The following SMYD3 variants were observed in gnomAD, a reference collection of about 807,000 sequenced individuals.
The protein encoded by SMYD3 is SET and MYND domain containing 3.
In SMYD3, 36 loss-of-function variants were observed where a neutral mutation model predicts 57.7. The observed-to-expected ratio is 0.62, with a 90% CI of 0.48 to 0.82. SMYD3 has a LOEUF of 0.82. Among genes scored for constraint, SMYD3 ranks in the 40% least tolerant of loss-of-function variants. The pLI, the probability that SMYD3 is intolerant of heterozygous loss-of-function variation, is 0.00. For missense variants in SMYD3, 515 were observed against 538.8 expected (o/e 0.96, Z 0.44); for synonymous variants, 211 against 195.0 (o/e 1.08, Z -0.68).
chr1:246,106,524 A>C (rs2061124843), intron 5 of SMYD3, among the ~76,000 whole-genome samples: 1 of 152,244 alleles, frequency 6.6e-6, no homozygotes, highest in Non-Finnish European at 1.5e-5. Context: ...GAGTCAGCTA[A>C]TCAGTGGTTA....
intron 8 of SMYD3, among the ~76,000 whole-genome samples, chr1:245,884,618 C>T (rs141599932): frequency 2.6e-5 from 4 of 152,160 alleles, no homozygotes; most frequent in African/African-American, 7.2e-5. Context: ...TTACTGTACA[C>T]GTGATTGACA....
chr1:246,005,459 T>C (rs2059152044), intron 5 of SMYD3, among the ~76,000 whole-genome samples: 4 of 152,246 alleles, frequency 2.6e-5, no homozygotes, highest in African/African-American at 4.8e-5. Flanking sequence ...TCCCTGAACA[T>C]TGGTTTGCTC....
chr1:246,451,241 G>A (rs977203403), intron 1 of SMYD3, among the ~76,000 whole-genome samples: 2 of 152,096 alleles, frequency 1.3e-5, no homozygotes, highest in East Asian at 1.9e-4. Context: ...AGTTATCTTC[G>A]GGAAAGACAT....
intron 1 of SMYD3, chr1:246,483,556 T>C (rs549743024): frequency 2.0e-4 from 31 of 152,320 alleles, no homozygotes; most frequent in Admixed American, 1.4e-3. Flanking sequence ...TTTGGAAGAA[T>C]ATTCACTAAG....
intron 5 of SMYD3, among the ~76,000 whole-genome samples, chr1:246,054,487 C>G (rs1340493779): frequency 6.6e-6 from 1 of 152,190 alleles, no homozygotes; most frequent in East Asian, 1.9e-4. Flanking sequence ...GAATGTCCAT[C>G]AGGAGGTTAA....
chr1:245,874,834 G>A (rs1242233766), intron 8 of SMYD3, among the ~76,000 whole-genome samples: 1 of 152,240 alleles, frequency 6.6e-6, no homozygotes, highest in African/African-American at 2.4e-5. Context: ...TCTGTCCCTT[G>A]AAGCTGGAGG....
At chr1:245,791,745 C>T (rs2047279892) in intron 10 of SMYD3, among the ~76,000 whole-genome samples, 1 of 152,136 alleles carries the variant, frequency 6.6e-6, no homozygotes, top group African/African-American at 2.4e-5. Context: ...GTCTGATACG[C>T]AGAGGTCACA....
chr1:246,293,267 T>C (rs959916488), intron 5 of SMYD3, among the ~76,000 whole-genome samples: 1 of 152,196 alleles, frequency 6.6e-6, no homozygotes, highest in Non-Finnish European at 1.5e-5. Flanking sequence ...TTTGGTCATG[T>C]AGTCTGAACA....
At chr1:246,169,309 G>T (rs1274386443) in intron 5 of SMYD3, among the ~76,000 whole-genome samples, 2 of 123,618 alleles carry the variant, frequency 1.6e-5, no homozygotes, top group South Asian at 5.3e-4. Flanking sequence ...GATGAAAAAC[G>T]CCAAAGTTAA....
intron 5 of SMYD3, among the ~76,000 whole-genome samples, chr1:246,094,637 C>G (rs767448946): frequency 2.0e-5 from 3 of 152,140 alleles, no homozygotes; most frequent in Non-Finnish European, 4.4e-5. Flanking sequence ...GTTCAATGCC[C>G]AGGCAGATAC....
chr1:245,838,263 A>C (rs1558406040), intron 10 of SMYD3, among the ~76,000 whole-genome samples: 1 of 152,206 alleles, frequency 6.6e-6, no homozygotes, highest in African/African-American at 2.4e-5. Flanking sequence ...CTGTGGGCTT[A>C]GGGGGCACAG....
chr1:246,015,774 C>T (rs59575073), intron 5 of SMYD3, among the ~76,000 whole-genome samples: 5,079 of 152,252 alleles, frequency 0.033, 288 homozygotes, highest in African/African-American at 0.12. Context: ...AGTTTCCTTT[C>T]TAAGGCTGAA....
chr1:246,255,987 TACAC>T (rs1354606286), intron 5 of SMYD3, among the ~76,000 whole-genome samples: 24 of 138,664 alleles, frequency 1.7e-4, no homozygotes, highest in African/African-American at 6.0e-4. Context: ...GATAGATAGA[TACAC>T]ACACACATAC....
intron 5 of SMYD3, among the ~76,000 whole-genome samples, chr1:246,153,938 T>C (rs965999185): frequency 6.6e-6 from 1 of 152,220 alleles, no homozygotes; most frequent in African/African-American, 2.4e-5. Context: ...GTGACATCAT[T>C]AGGCACTAAA....
At position 245,960,682 on chromosome 1, in the gene SMYD3, A is replaced by G. The variant is rs910091931; in HGVS notation, c.532-30745T>C. 3.3e-5 allele frequency among the ~76,000 whole-genome samples: 5 copies of G among 152,210 alleles called. No individual in the cohort carries two copies. The East Asian group carries it at 9.7e-4, about 29-fold the overall frequency. ...GTGGAGGTTGCAGTGAGCTGAGACC[A>G]TGCCACTGCACTCCAGCCTGGGTGA... On this transcript the variant is annotated intron_variant, in intron 5 of 11. Coordinates refer to ENST00000490107, the MANE Select transcript of SMYD3 (RefSeq NM_001167740.2).
chr1:245,835,856 A>G (rs1205553402), intron 10 of SMYD3, among the ~76,000 whole-genome samples: 4 of 152,228 alleles, frequency 2.6e-5, no homozygotes, highest in South Asian at 4.1e-4. Context: ...TCTGGACATT[A>G]TCATGGCTGG....
chr1:246,331,947 G>C (rs1208323296), intron 3 of SMYD3, among the ~76,000 whole-genome samples: 1 of 143,482 alleles, frequency 7.0e-6, no homozygotes, highest in East Asian at 2.0e-4. Context: ...TAAATGTTGT[G>C]CGTGTTCTCA....
chr1:246,504,686 G>A (rs1343171443), intron 1 of SMYD3, among the ~76,000 whole-genome samples: 6 of 152,112 alleles, frequency 3.9e-5, no homozygotes, highest in African/African-American at 1.4e-4. Flanking sequence ...CAGATGGAAG[G>A]CAGCAGAAGG....
At chr1:246,326,604 A>C (rs1309293920) in intron 5 of SMYD3, among the ~76,000 whole-genome samples, 1 of 109,544 alleles carries the variant, frequency 9.1e-6, no homozygotes, top group African/African-American at 3.0e-5. Context: ...ACAAAAAAAA[A>C]AAAACAAAAT....
Sources: allele counts gnomAD v4.1 joint callset (sites outside exome capture counted in the v4.1 genomes callset), GRCh38; gene constraint gnomAD v4.1.1; transcripts MANE v1.5; gene names NCBI Gene and HGNC (gene_info 2026-07-23, HGNC 2026-07-21).